The following NRXN3 variants were observed in gnomAD, a reference collection of about 807,000 sequenced individuals.
NRXN3 encodes neurexin III.
A neutral mutation model predicts 137.6 loss-of-function variants in NRXN3; 32 were observed. That is an observed-to-expected ratio of 0.23 (90% CI 0.18 to 0.31). The LOEUF (loss-of-function observed/expected upper bound fraction) is 0.31. Among genes scored for constraint, NRXN3 ranks in the 10% least tolerant of loss-of-function variants. NRXN3 has a pLI of 1.00. For synonymous variants in NRXN3, 798 were observed against 784.5 expected (o/e 1.02, Z -0.29); for missense variants, 1,574 against 2,062.5 (o/e 0.76, Z 4.59).
intron 4 of NRXN3, among the ~76,000 whole-genome samples, chr14:78,443,675 T>C (rs1245453593): frequency 6.6e-6 from 1 of 152,170 alleles, no homozygotes; most frequent in Admixed American, 6.5e-5. Flanking sequence ...CATATTGGTT[T>C]GAGTTATTTA....
At chr14:79,290,557 A>G (rs1447477697) in intron 15 of NRXN3, among the ~76,000 whole-genome samples, 1 of 152,092 alleles carries the variant, frequency 6.6e-6, no homozygotes, top group East Asian at 1.9e-4. Context: ...AATGAAGAAC[A>G]TGCAAGACCT....
intron 15 of NRXN3, among the ~76,000 whole-genome samples, chr14:79,122,965 A>G (rs938181358): frequency 6.6e-6 from 1 of 152,252 alleles, no homozygotes; most frequent in African/African-American, 2.4e-5. Context: ...GTGACTCTAA[A>G]TAATTTCATG....
intron 15 of NRXN3, among the ~76,000 whole-genome samples, chr14:79,396,903 T>C (rs972461951): frequency 7.9e-5 from 12 of 152,160 alleles, no homozygotes; most frequent in African/African-American, 2.9e-4. Flanking sequence ...GCGCTACTTA[T>C]TAAACTTTAT....
intron 4 of NRXN3, among the ~76,000 whole-genome samples, chr14:78,454,299 T>G (rs763344895): frequency 6.8e-6 from 1 of 147,486 alleles, no homozygotes; most frequent in Non-Finnish European, 1.5e-5. Flanking sequence ...CCTGATAACT[T>G]AAAAAAAAAA....
intron 4 of NRXN3, among the ~76,000 whole-genome samples, chr14:78,623,746 T>G (rs2097428011): frequency 6.6e-6 from 1 of 152,108 alleles, no homozygotes; most frequent in East Asian, 1.9e-4. Context: ...TTTTGTATGT[T>G]TAGTAGAGAC....
chr14:79,688,266 T>G (rs906413233), intron 17 of NRXN3, among the ~76,000 whole-genome samples: 1 of 152,252 alleles, frequency 6.6e-6, no homozygotes, highest in African/African-American at 2.4e-5. Context: ...ATGGGGAAAC[T>G]GAGGCCAAGT....
intron 4 of NRXN3, among the ~76,000 whole-genome samples, chr14:78,511,896 A>G (rs2096115758): frequency 6.6e-6 from 1 of 152,148 alleles, no homozygotes; most frequent in Non-Finnish European, 1.5e-5. Context: ...CTATGAGAGC[A>G]TCAGTCTGTT....
intron 19 of NRXN3, among the ~76,000 whole-genome samples, chr14:79,764,808 C>G (rs1466639937): frequency 6.6e-6 from 1 of 152,120 alleles, no homozygotes; most frequent in Non-Finnish European, 1.5e-5. Flanking sequence ...ACATGCAAAA[C>G]CATTCACCTA....
intron 15 of NRXN3, among the ~76,000 whole-genome samples, chr14:79,121,105 A>T (rs1447939855): frequency 6.6e-6 from 1 of 152,194 alleles, no homozygotes; most frequent in Non-Finnish European, 1.5e-5. Flanking sequence ...TTCAAAACAA[A>T]GAAGAAAAGC....
At chr14:78,556,876 C>T (rs2096742128) in intron 4 of NRXN3, among the ~76,000 whole-genome samples, 1 of 147,398 alleles carries the variant, frequency 6.8e-6, no homozygotes, top group Admixed American at 6.7e-5. Context: ...TTCTCCTCTC[C>T]TCTCCCCTCT....
At chr14:78,214,431 C>T (rs1309449230) in intron 1 of NRXN3, among the ~76,000 whole-genome samples, 1 of 152,166 alleles carries the variant, frequency 6.6e-6, no homozygotes. Context: ...TCACATCTTT[C>T]CTGGCTGGAA....
At chr14:78,664,962 A>G (rs866819436) in intron 6 of NRXN3, among the ~76,000 whole-genome samples, 1 of 152,210 alleles carries the variant, frequency 6.6e-6, no homozygotes, top group African/African-American at 2.4e-5. Flanking sequence ...TGTCAACAGC[A>G]TGCCACTCAT....
At chr14:79,527,923 G>A (rs2097136511) in intron 16 of NRXN3, among the ~76,000 whole-genome samples, 1 of 150,822 alleles carries the variant, frequency 6.6e-6, no homozygotes, top group Non-Finnish European at 1.5e-5. Flanking sequence ...AGTAGCAGGA[G>A]TAGTAGTAGT....
intron 15 of NRXN3, among the ~76,000 whole-genome samples, chr14:79,145,418 G>C (rs1162328834): frequency 9.2e-5 from 14 of 152,038 alleles, no homozygotes; most frequent in Non-Finnish European, 2.1e-4. Flanking sequence ...GTCCACTTTT[G>C]ATACTCAGAA....
chr14:79,189,732 A>G (rs1315008503), intron 15 of NRXN3, among the ~76,000 whole-genome samples: 1 of 152,198 alleles, frequency 6.6e-6, no homozygotes, highest in African/African-American at 2.4e-5. Flanking sequence ...GACACAGAAC[A>G]GTGAAAACTG....
chr14:78,263,698 G>A (rs575721590), intron 2 of NRXN3, among the ~76,000 whole-genome samples: 2 of 151,942 alleles, frequency 1.3e-5, no homozygotes, highest in Non-Finnish European at 2.9e-5. Context: ...AAATTTTACC[G>A]ACACGGCTTC....
At chr14:79,367,318 G>A (rs145891424) in intron 15 of NRXN3, among the ~76,000 whole-genome samples, 14 of 152,310 alleles carry the variant, frequency 9.2e-5, no homozygotes, top group South Asian at 2.1e-4. Context: ...ATGTGTTTAC[G>A]GATTGACAAC....
intron 16 of NRXN3, among the ~76,000 whole-genome samples, chr14:79,554,337 A>G (rs1050144859): frequency 1.3e-5 from 2 of 152,218 alleles, no homozygotes; most frequent in Non-Finnish European, 2.9e-5. Context: ...CACGTTGTCT[A>G]CTCTATTAAT....
intron 17 of NRXN3, among the ~76,000 whole-genome samples, chr14:79,675,423 A>G (rs1433876639): frequency 2.6e-5 from 4 of 152,124 alleles, no homozygotes; most frequent in African/African-American, 9.7e-5. Context: ...CTTGCTTTAC[A>G]AAAACAAGCT....
Sources: allele counts gnomAD v4.1 joint callset (sites outside exome capture counted in the v4.1 genomes callset), GRCh38; gene constraint gnomAD v4.1.1; transcripts MANE v1.5; gene names NCBI Gene and HGNC (gene_info 2026-07-23, HGNC 2026-07-21).